The following KIFAP3 variants were observed in gnomAD, a reference collection of about 807,000 sequenced individuals.
KIFAP3 encodes the protein kinesin-associated protein 3.
In KIFAP3, 68 loss-of-function variants were observed where a neutral mutation model predicts 106.5. The ratio of observed to expected loss-of-function variants is 0.64; its 90% CI spans 0.53 to 0.78. The LOEUF is 0.78. Ranked by LOEUF, KIFAP3 falls within the 30% of genes least tolerant of loss-of-function variation. The pLI is 0.00. For synonymous variants in KIFAP3, 320 were observed against 311.5 expected (o/e 1.03, Z -0.29); for missense variants, 780 against 941.8 (o/e 0.83, Z 2.25).
At chr1:170,041,131 T>C (rs560650022) in intron 3 of KIFAP3, among the ~76,000 whole-genome samples, 4 of 152,300 alleles carry the variant, frequency 2.6e-5, no homozygotes, top group African/African-American at 9.6e-5. Flanking sequence ...CCCTTTTTGC[T>C]TGTAAATAAA....
chr1:170,080,865 A>G (rs981568341), intron 1 of KIFAP3, among the ~76,000 whole-genome samples: 4 of 152,164 alleles, frequency 2.6e-5, no homozygotes, highest in Non-Finnish European at 4.4e-5. Flanking sequence ...CTGTCACCAC[A>G]AAGATCTACT....
At chr1:170,028,583 C>T (rs1669238467) in intron 8 of KIFAP3, among the ~76,000 whole-genome samples, 1 of 152,188 alleles carries the variant, frequency 6.6e-6, no homozygotes, top group Non-Finnish European at 1.5e-5. Flanking sequence ...GTGATCTGCC[C>T]ACCTAGGCCT....
chr1:170,062,506 C>T (rs889144295), intron 1 of KIFAP3, among the ~76,000 whole-genome samples: 8 of 152,158 alleles, frequency 5.3e-5, no homozygotes, highest in African/African-American at 1.7e-4. Context: ...TCTACTCCTA[C>T]CTTACCAAAA....
rs114263715 is a variant in KIFAP3 at position 170,056,840 on chromosome 1, G to A, written c.33-1404C>T. Among the ~76,000 whole-genome samples, 1,234 of 152,148 alleles carry A rather than the reference G, an allele frequency of 8.1e-3. 22 individuals carry two copies. The highest frequency in any genetic ancestry group is 0.027 in the African/African-American group (1,129 of 41,526). ...AGGTAGGTCAGAAACTAAACTGATAGTAAGACATATAGGACAAGTAAAGAA... is the reference window on the plus strand; with the variant it reads ...AGGTAGGTCAGAAACTAAACTGATAATAAGACATATAGGACAAGTAAAGAA... On this transcript the variant is annotated intron_variant, in intron 1 of 19. Coordinates refer to ENST00000361580, the MANE Select transcript of KIFAP3 (RefSeq NM_014970.4).
chr1:170,003,793 C>T (rs1667791261), intron 10 of KIFAP3, among the ~76,000 whole-genome samples: 1 of 152,194 alleles, frequency 6.6e-6, no homozygotes, highest in African/African-American at 2.4e-5. Flanking sequence ...CCTTTGAAAA[C>T]TGGCACAAGA....
intron 10 of KIFAP3, among the ~76,000 whole-genome samples, chr1:170,014,706 T>A (rs72715936): frequency 6.6e-5 from 10 of 152,002 alleles, no homozygotes; most frequent in Non-Finnish European, 1.2e-4. Context: ...TTTAAAAAAA[T>A]TACCTGGTTT....
At chr1:170,059,850 C>T (rs1000051157) in intron 1 of KIFAP3, among the ~76,000 whole-genome samples, 13 of 152,062 alleles carry the variant, frequency 8.5e-5, no homozygotes, top group Admixed American at 1.3e-4. Context: ...TGGAATGCAA[C>T]GCTGGTTCAA....
rs941153083 is a variant in KIFAP3, at chr1:169,993,890, A to G, written c.1184-1635T>C. Among the ~76,000 whole-genome samples the G allele has an allele frequency of 3.9e-5, 6 of 152,142 alleles. No individual in the cohort carries two copies. The Middle Eastern group carries it at 0.01, about 259-fold the overall frequency. Reference sequence around the variant, plus strand: ...ACAGAGCAAGACTGTCTCAAAAAAAAAGTAAGCAAAAAATACAGTGATCTT... The same window carrying G: ...ACAGAGCAAGACTGTCTCAAAAAAAGAGTAAGCAAAAAATACAGTGATCTT... On this transcript the variant is annotated intron_variant, in intron 10 of 19. Coordinates refer to ENST00000361580, the MANE Select transcript of KIFAP3 (RefSeq NM_014970.4).
At chr1:170,072,170 T>C (rs1671736946) in intron 1 of KIFAP3, among the ~76,000 whole-genome samples, 1 of 152,202 alleles carries the variant, frequency 6.6e-6, no homozygotes. Context: ...GCACTCAAAA[T>C]AAAGTCTCAA....
intron 10 of KIFAP3, among the ~76,000 whole-genome samples, chr1:170,008,750 A>T (rs10800493): frequency 0.76 from 116,037 of 152,154 alleles, 44,694 homozygotes; most frequent in East Asian, 0.99. Flanking sequence ...TAGCATTTGA[A>T]CCAGCAATCC....
chr1:170,049,950 A>G (rs1670487920), intron 2 of KIFAP3, among the ~76,000 whole-genome samples: 1 of 152,164 alleles, frequency 6.6e-6, no homozygotes, highest in Non-Finnish European at 1.5e-5. Context: ...AAATGATCGC[A>G]AGTCCTCTCC....
At chr1:170,080,402 A>G (rs911172139) in intron 1 of KIFAP3, among the ~76,000 whole-genome samples, 10 of 152,068 alleles carry the variant, frequency 6.6e-5, no homozygotes, top group African/African-American at 2.4e-4. Context: ...TTTTTTACAA[A>G]TTGACAGGTT....
intron 10 of KIFAP3, among the ~76,000 whole-genome samples, chr1:170,008,919 C>T (rs1249157771): frequency 2.0e-5 from 3 of 152,160 alleles, no homozygotes; most frequent in African/African-American, 7.2e-5. Flanking sequence ...GCATATACAA[C>T]ATGGAATACT....
intron 19 of KIFAP3, among the ~76,000 whole-genome samples, chr1:169,951,719 T>A (rs184255819): frequency 6.6e-6 from 1 of 151,986 alleles, no homozygotes; most frequent in African/African-American, 2.4e-5. Flanking sequence ...AAATGTTTAG[T>A]TTTTTAAAAG....
intron 17 of KIFAP3, among the ~76,000 whole-genome samples, chr1:169,966,225 G>A (rs1571573752): frequency 1.3e-5 from 2 of 151,830 alleles, no homozygotes; most frequent in South Asian, 4.1e-4. Context: ...TATTTTCTCA[G>A]CTCTAAAAAA....
In KIFAP3 at chr1:170,024,739, G is replaced by A. The variant is rs569146932; in HGVS notation, c.842-143C>T. On this transcript the variant is annotated intron_variant, in intron 8 of 19. Transcript: ENST00000361580. ...GAAAATTTTAACTGGTTAATAATTG[G>A]TTAATTAAAAAACATTTATTGTTAC... 18 of 461,934 alleles carry A rather than the reference G, an allele frequency of 3.9e-5. No homozygotes were observed. In the Admixed American group the frequency reaches 6.6e-4, roughly 17 times the overall value. 28.6% of individuals were successfully genotyped at this position (461,934 alleles called of 1,614,324 possible).
intron 8 of KIFAP3, among the ~76,000 whole-genome samples, chr1:170,030,675 T>TA (rs1435506828): frequency 2.6e-5 from 4 of 151,774 alleles, no homozygotes; most frequent in African/African-American, 9.7e-5. Context: ...TTATGCTGAG[T>TA]AAAAGACAAA....
intron 9 of KIFAP3, among the ~76,000 whole-genome samples, chr1:170,021,985 T>C (rs1252501191): frequency 7.0e-6 from 1 of 142,422 alleles, no homozygotes; most frequent in Non-Finnish European, 1.5e-5. Context: ...AGGCTTGCTC[T>C]GTCGCCCAGG....
chr1:169,938,528 G>C (rs1663930545), intron 19 of KIFAP3, among the ~76,000 whole-genome samples: 1 of 152,094 alleles, frequency 6.6e-6, no homozygotes, highest in Admixed American at 6.6e-5. Flanking sequence ...AAATGAAACA[G>C]CATGGGAAAT....
Sources: allele counts gnomAD v4.1 joint callset (sites outside exome capture counted in the v4.1 genomes callset), GRCh38; gene constraint gnomAD v4.1.1; transcripts MANE v1.5; gene names NCBI Gene and HGNC (gene_info 2026-07-23, HGNC 2026-07-21).